Variants in AFP observed in about 807,000 individuals in gnomAD.
AFP encodes the protein alpha-fetoprotein.
In AFP, 64 loss-of-function variants were observed where a neutral mutation model predicts 78.9. The ratio of observed to expected loss-of-function variants is 0.81; its 90% confidence interval spans 0.66 to 1.00. The LOEUF is 1.00. AFP is among the 50% of genes least tolerant of loss of function. The probability of loss-of-function intolerance (pLI) is 0.00; values close to 1 mark genes in which losing one functional copy is unlikely to be tolerated. For missense variants in AFP, 689 were observed against 703.8 expected (o/e 0.98, Z 0.24); for synonymous variants, 254 against 243.8 (o/e 1.04, Z -0.39).
At chr4:73,440,853 C>A (rs1719640889) in intron 4 of AFP, 40 bp downstream of exon 4, 4 of 1,563,008 alleles carry the variant, frequency 2.6e-6, no homozygotes, top group African/African-American at 2.7e-5. Context: ...ACCTCAGAAA[C>A]ACAGCAATGG....
At chr4:73,447,989 G>A (rs931269501) in intron 8 of AFP, among the ~76,000 whole-genome samples, 16 of 151,994 alleles carry the variant, frequency 1.1e-4, no homozygotes, top group African/African-American at 3.9e-4. Flanking sequence ...TCATATCAAG[G>A]CCACCATTGA....
Position 73,442,339 on chromosome 4 carries a change from C to A in AFP, c.526C>A (p.Pro176Thr), listed in dbSNP as rs772839127. Residue 176 changes from proline (P) to threonine (T), a missense_variant, in exon 5 of 15, where the codon CCT (proline) becomes ACT (threonine). Physicochemically the swap from Pro to Thr is conservative, Grantham distance 38. Transcript: ENST00000395792. ...AAGAAGGCATCCCTTCCTGTATGCACCTACAATTCTTCTTTGGGCTGCTCG... is the reference window on the plus strand; with the variant it reads ...AAGAAGGCATCCCTTCCTGTATGCAACTACAATTCTTCTTTGGGCTGCTCG... Reference protein sequence around the residue: ...IARRHPFLYAPTILLWAARYD... With the variant: ...IARRHPFLYATTILLWAARYD... 2.0e-5 allele frequency: 32 copies of A among 1,613,766 alleles called. No individual in the cohort carries two copies. The highest frequency in any genetic ancestry group is 2.5e-5 in the Non-Finnish European group (29 of 1,179,826).
chr4:73,455,324 G>A (rs1191002908), intron 14 of AFP, 34 bp downstream of exon 14: 15 of 1,519,964 alleles, frequency 9.9e-6, no homozygotes, highest in Non-Finnish European at 1.4e-5. Flanking sequence ...TGAATACAAT[G>A]TTGTTTCTCC....
chr4:73,452,403 T>G lies in AFP; in HGVS notation c.1431T>G (p.Ala477=). 6.2e-7 allele frequency: 1 copy of G among 1,613,504 alleles called. No individual in the cohort carries two copies. The highest frequency in any genetic ancestry group is 1.1e-5 in the South Asian group (1 of 91,064). Reference sequence around the variant, plus strand: ...TTTTTTCTCATTCTCCTAACCAGGCTGACATTATTATCGGACACTTATGTA... The same window carrying G: ...TTTTTTCTCATTCTCCTAACCAGGCGGACATTATTATCGGACACTTATGTA... ...DKLLACGEGA[A]DIIIGHLCIR... is the part of the protein sequence containing the mutation. Residue 477 remains alanine (A), a splice_region_variant and synonymous_variant, in exon 12 of 15, where the codon GCT becomes GCG. Coordinates refer to ENST00000395792, the MANE Select transcript of AFP (RefSeq NM_001134.3).
intron 3 of AFP, among the ~76,000 whole-genome samples, chr4:73,440,375 T>G (rs1215837811): frequency 6.6e-6 from 1 of 152,192 alleles, no homozygotes; most frequent in Admixed American, 6.5e-5. Flanking sequence ...AAACAAAAGA[T>G]TGCATGGCTT....
intron 8 of AFP, among the ~76,000 whole-genome samples, chr4:73,448,901 C>A (rs2149335757): frequency 6.6e-6 from 1 of 152,092 alleles, no homozygotes; most frequent in African/African-American, 2.4e-5. Flanking sequence ...TATTTATTTT[C>A]ATTGATTTAT....
At chr4:73,447,887 T>A (rs1719880910) in intron 8 of AFP, among the ~76,000 whole-genome samples, 1 of 152,164 alleles carries the variant, frequency 6.6e-6, no homozygotes, top group Non-Finnish European at 1.5e-5. Flanking sequence ...CGTTCACCAC[T>A]GTGACTCATT....
intron 14 of AFP, 29 bp from the exon 15 acceptor site, chr4:73,455,602 T>C (rs989597180): frequency 2.9e-6 from 2 of 685,430 alleles, no homozygotes; most frequent in Non-Finnish European, 5.3e-6. Flanking sequence ...GTTTAATTAG[T>C]ATTTAATATA....
At chr4:73,442,519 T>C in intron 5 of AFP, 91 bp downstream of exon 5, 1 of 1,467,354 alleles carries the variant, frequency 6.8e-7, no homozygotes, top group Non-Finnish European at 9.5e-7. Context: ...TGCTTAATTG[T>C]GGAGAGTATC....
In AFP at chr4:73,440,196, T is replaced by C. The variant is rs529724267; in HGVS notation, c.271-406T>C. Among the ~76,000 whole-genome samples, 4 of 152,274 alleles carry C rather than the reference T, an allele frequency of 2.6e-5. No homozygotes were observed. The South Asian group carries it at 8.3e-4, about 32-fold the overall frequency. On this transcript the variant is annotated intron_variant, in intron 3 of 14. Coordinates refer to ENST00000395792, the MANE Select transcript of AFP (RefSeq NM_001134.3). ...CCCAGCGTGCATTACCTATTTTTCC[T>C]AATGCTCTCCCTCCCTGCACTCCAC... is the stretch of plus-strand genomic sequence containing the variant.
At position 73,437,185 on chromosome 4, in the gene AFP, T is replaced by C. The variant is rs763234627; in HGVS notation, c.111T>C (p.Cys37=). The change falls in exon 2 of 15, where the codon TGT becomes TGC. Residue 37 remains cysteine, a synonymous_variant. Coordinates refer to ENST00000395792, the MANE Select transcript of AFP (RefSeq NM_001134.3). ...GIASILDSYQ[C]TAEISLADLA... is the part of the protein sequence containing the mutation. ...CTTCCATATTGGATTCTTACCAATG[T>C]ACTGCAGAGATAAGTTTAGCTGACC... The C allele has an allele frequency of 5.6e-6, 9 of 1,611,446 alleles. No individual in the cohort carries two copies. Among genetic ancestry groups the C allele is most frequent in the African/African-American group, 1.3e-5 (1 of 74,856 alleles).
intron 11 of AFP, among the ~76,000 whole-genome samples, 198 bp from the exon 12 acceptor site, chr4:73,452,203 A>G (rs1436382174): frequency 6.6e-6 from 1 of 152,200 alleles, no homozygotes; most frequent in Non-Finnish European, 1.5e-5. Context: ...ACTACTTGCT[A>G]AGGCTTAGCC....
chr4:73,438,333 T>C, intron 3 of AFP, 27 bp downstream of exon 3: 1 of 1,593,826 alleles, frequency 6.3e-7, no homozygotes, highest in Non-Finnish European at 8.6e-7. Context: ...AAAAAAGCAT[T>C]GTGATATTTG....
intron 3 of AFP, among the ~76,000 whole-genome samples, chr4:73,438,543 C>G (rs567960402): frequency 5.9e-5 from 9 of 152,064 alleles, no homozygotes; most frequent in Non-Finnish European, 1.3e-4. Context: ...ATAAGATTAT[C>G]TTGATGACTA....
chr4:73,454,535 A>G (rs1362385267), intron 13 of AFP, among the ~76,000 whole-genome samples: 2 of 152,192 alleles, frequency 1.3e-5, no homozygotes. Context: ...TGAAATGATT[A>G]TCACAATCAA....
At chr4:73,442,529 C>A (rs533220508) in intron 5 of AFP, 101 bp downstream of exon 5, 1 of 1,403,400 alleles carries the variant, frequency 7.1e-7, no homozygotes, top group Non-Finnish European at 1.0e-6. Flanking sequence ...TGGAGAGTAT[C>A]GTTTTTGGAA....
chr4:73,452,642 G>T lies in AFP; in HGVS notation c.1652+18G>T, dbSNP rs745812259. ...AAGCAAGAGTAAGAAACTGTTACTTGCTAGCATGGAAAAGAATGACAACCC... is the reference window on the plus strand; with the variant it reads ...AAGCAAGAGTAAGAAACTGTTACTTTCTAGCATGGAAAAGAATGACAACCC... On this transcript the variant is annotated intron_variant, in intron 12 of 14. Coordinates refer to ENST00000395792, the MANE Select transcript of AFP (RefSeq NM_001134.3). 6.3e-7 allele frequency: 1 copy of T among 1,578,046 alleles called. No individual in the cohort carries two copies.
chr4:73,441,382 T>C (rs995875672), intron 4 of AFP, among the ~76,000 whole-genome samples: 111 of 150,966 alleles, frequency 7.4e-4, no homozygotes, highest in African/African-American at 2.5e-3. Flanking sequence ...CTGGCTAACA[T>C]GGTGAAACCC....
rs142106423 is a variant in AFP, at chr4:73,442,270, T to A, written c.483-26T>A. The stretch of plus-strand genomic sequence containing the variant: ...AGTCCTATTTTTAGGTGTTTATAAA[T>A]CTTCTAGCTCTATTTTATTTCACAG... On this transcript the variant is annotated intron_variant, in intron 4 of 14. Coordinates refer to ENST00000395792, the MANE Select transcript of AFP (RefSeq NM_001134.3). 47 of 1,606,826 alleles carry A rather than the reference T, an allele frequency of 2.9e-5. No individual in the cohort carries two copies. The East Asian group carries it at 1.0e-3, about 35-fold the overall frequency.
Sources: gnomAD v4.1 joint callset for allele counts (sites outside exome capture counted in the v4.1 genomes callset) on GRCh38, gnomAD v4.1.1 for gene constraint, MANE v1.5 for transcripts, NCBI Gene and HGNC (gene_info 2026-07-23, HGNC 2026-07-21) for gene names.